Variants in CACNA1E observed in about 807,000 individuals in gnomAD.
CACNA1E encodes voltage-dependent R-type calcium channel subunit alpha-1E.
Under a neutral mutation model 259.2 loss-of-function variants are expected in CACNA1E, and 40 were observed. That is an observed-to-expected ratio of 0.15 (90% CI 0.12 to 0.20). CACNA1E has a LOEUF of 0.20. CACNA1E is among the 10% of genes least tolerant of loss of function. CACNA1E has a pLI of 1.00. For missense variants in CACNA1E, 1,874 were observed against 3,040.1 expected (o/e 0.62, Z 9.02); for synonymous variants, 1,104 against 1,138.5 (o/e 0.97, Z 0.61).
At chr1:181,683,581 C>T (rs1331705370) in intron 7 of CACNA1E, among the ~76,000 whole-genome samples, 1 of 152,194 alleles carries the variant, frequency 6.6e-6, no homozygotes, top group Non-Finnish European at 1.5e-5. Flanking sequence ...TCATTCCTCA[C>T]TCTCCTCTGA....
intron 36 of CACNA1E, chr1:181,771,674 T>C (rs1434864903): frequency 2.1e-6 from 1 of 482,174 alleles, no homozygotes; most frequent in Non-Finnish European, 3.7e-6. Flanking sequence ...TCAATGTCTT[T>C]GGCTCAGCAG....
chr1:181,671,653 G>A (rs547315392), intron 7 of CACNA1E, among the ~76,000 whole-genome samples: 26 of 152,282 alleles, frequency 1.7e-4, no homozygotes, highest in African/African-American at 6.0e-4. Flanking sequence ...TTCCCTACAG[G>A]AGAAATGATG....
rs914116554 is a variant in CACNA1E, at chr1:181,732,272, A to C, written c.2298-112A>C. 159 of 1,394,236 alleles carry C rather than the reference A, an allele frequency of 1.1e-4. No homozygotes were observed. The East Asian group carries it at 4.2e-3, about 37-fold the overall frequency. 86.4% of individuals were successfully genotyped at this position (1,394,236 alleles called of 1,614,324 possible). A position where few individuals can be genotyped will look rare whatever the true frequency, so the allele number is the denominator to read the frequency against. On this transcript the variant is annotated intron_variant, in intron 19 of 47. Coordinates refer to ENST00000367573, the MANE Select transcript of CACNA1E (RefSeq NM_001205293.3). The surrounding 1 kb of genome is among the most constrained non-coding windows in gnomAD (Gnocchi z 5.5). ...TGCTTCCTGTCTGCAGGTCCTGGGC[A>C]CTCCCATTTGCCCCCACCATGTGTC...
At chr1:181,519,272 G>C (rs543209385) in intron 3 of CACNA1E, among the ~76,000 whole-genome samples, 1 of 152,218 alleles carries the variant, frequency 6.6e-6, no homozygotes, top group African/African-American at 2.4e-5. Context: ...GTAGAGATTT[G>C]TGCACTTGTG....
intron 25 of CACNA1E, chr1:181,745,442 C>G: frequency 2.4e-6 from 1 of 423,886 alleles, no homozygotes; most frequent in South Asian, 1.9e-5. Flanking sequence ...TCAGGGAACA[C>G]TGCCCCATCC....
At chr1:181,742,676 C>A (rs534540436) in intron 25 of CACNA1E, among the ~76,000 whole-genome samples, 1 of 152,160 alleles carries the variant, frequency 6.6e-6, no homozygotes, top group Non-Finnish European at 1.5e-5. Flanking sequence ...AGCCCCTCAC[C>A]GAGTCGGGGG....
chr1:181,452,578 G>C (rs1205369170), intron 2 of CACNA1E, among the ~76,000 whole-genome samples: 1 of 152,134 alleles, frequency 6.6e-6, no homozygotes, highest in East Asian at 1.9e-4. Context: ...AGGGCTCTCA[G>C]GAATTTTCCA....
chr1:181,625,794 C>A (rs547285378), intron 6 of CACNA1E, among the ~76,000 whole-genome samples: 4 of 152,276 alleles, frequency 2.6e-5, no homozygotes, highest in Non-Finnish European at 1.5e-5. Context: ...CACAATTTGG[C>A]CATTTGGTGT....
Position 181,389,471 on chromosome 1 carries a change from G to A in CACNA1E, c.-14-23662G>A, listed in dbSNP as rs191474130. Among the ~76,000 whole-genome samples the A allele has an allele frequency of 1.4e-3, 216 of 152,290 alleles. 5 individuals carry two copies. The highest frequency in any genetic ancestry group is 2.5e-4 in the Non-Finnish European group (17 of 68,026). On this transcript the variant is annotated intron_variant, in intron 1 of 11. Coordinates refer to the CACNA1E transcript ENST00000524607. ...GTTGGTCTTGGGGTTACAAATCAACGTTAGTGACTAGACTAGTTCACAAGT... is the reference window on the plus strand; with the variant it reads ...GTTGGTCTTGGGGTTACAAATCAACATTAGTGACTAGACTAGTTCACAAGT...
chr1:181,480,424 T>A (rs1443608988), upstream of CACNA1E, among the ~76,000 whole-genome samples: 1 of 152,230 alleles, frequency 6.6e-6, no homozygotes. Flanking sequence ...TCCCAACCTA[T>A]GCATTTATGA....
intron 14 of CACNA1E, 48 bp downstream of exon 14, chr1:181,720,385 G>T: frequency 1.3e-6 from 2 of 1,581,462 alleles, no homozygotes; most frequent in Non-Finnish European, 8.6e-7. Context: ...AAACCCAGTC[G>T]TAGCCTGTGT....
chr1:181,643,490 C>T (rs980392505), intron 6 of CACNA1E, among the ~76,000 whole-genome samples: 7 of 152,200 alleles, frequency 4.6e-5, no homozygotes, highest in South Asian at 2.1e-4. Context: ...CTCCCAAGAG[C>T]GTGGATGGGT....
chr1:181,419,734 T>C (rs1181505593), intron 2 of CACNA1E, among the ~76,000 whole-genome samples: 3 of 152,234 alleles, frequency 2.0e-5, no homozygotes, highest in African/African-American at 7.2e-5. Flanking sequence ...ATATCCATTC[T>C]AATCAGCTAA....
chr1:181,642,393 C>A (rs1022828377), intron 6 of CACNA1E, among the ~76,000 whole-genome samples: 1 of 152,052 alleles, frequency 6.6e-6, no homozygotes, highest in African/African-American at 2.4e-5. Context: ...TCCTGACAAC[C>A]ATAGGACAAA....
chr1:181,775,435 A>G (rs1659892416), intron 37 of CACNA1E, among the ~76,000 whole-genome samples: 2 of 152,146 alleles, frequency 1.3e-5, no homozygotes, highest in Admixed American at 1.3e-4. Flanking sequence ...GTACTGCAAC[A>G]TCCTCCCTTG....
At chr1:181,781,383 C>T (rs776009386) in intron 38 of CACNA1E, 44 bp from the exon 39 acceptor site, 6 of 931,600 alleles carry the variant, frequency 6.4e-6, no homozygotes, top group African/African-American at 3.3e-5. Flanking sequence ...ACCCCACTGC[C>T]CCGCTAACCC....
At chr1:181,413,439 C>T (rs1658021228) in exon 2 of CACNA1E, 1 of 152,560 alleles carries the variant, frequency 6.6e-6, no homozygotes, top group Non-Finnish European at 1.5e-5. Context: ...GCACTGGAGG[C>T]GGGCTCCAGC....
intron 7 of CACNA1E, among the ~76,000 whole-genome samples, chr1:181,678,907 A>G (rs1649644921): frequency 1.3e-5 from 2 of 152,368 alleles, no homozygotes; most frequent in African/African-American, 4.8e-5. Flanking sequence ...AGAACCTCTT[A>G]AACTAGCCTC....
At chr1:181,721,639 A>C in intron 15 of CACNA1E, 119 bp from the exon 16 acceptor site, 2 of 542,804 alleles carry the variant, frequency 3.7e-6, no homozygotes, top group South Asian at 3.5e-5. Flanking sequence ...ACTCCCTGGC[A>C]AGATTGTCAA....
Sources: gnomAD v4.1 joint callset for allele counts (sites outside exome capture counted in the v4.1 genomes callset) on GRCh38, gnomAD v4.1.1 for gene constraint, Gnocchi (gnomAD v3.1) non-coding constraint, MANE v1.5 for transcripts, NCBI Gene and HGNC (gene_info 2026-07-23, HGNC 2026-07-21) for gene names.